Variants in ELN observed in about 807,000 individuals in gnomAD.
ELN encodes elastin.
ELN carries 65 observed loss-of-function variants against 105.8 expected under a neutral mutation model. The ratio of observed to expected loss-of-function variants is 0.61; its 90% CI spans 0.50 to 0.75. The LOEUF is 0.75. Among genes scored for constraint, ELN ranks in the 30% least tolerant of loss-of-function variants. The pLI is 0.00. For synonymous variants in ELN, 368 were observed against 389.2 expected, an observed-to-expected ratio of 0.95 and a Z score of 0.64; for missense variants, 882 against 969.4, an observed-to-expected ratio of 0.91 and a Z score of 1.20.
chr7:74,038,424 G>C (rs1790457457), intron 4 of ELN, among the ~76,000 whole-genome samples: 1 of 152,222 alleles, frequency 6.6e-6, no homozygotes, highest in African/African-American at 2.4e-5. Flanking sequence ...CCTAATCTCA[G>C]GCCCTTTCCA....
At chr7:74,037,659 A>T (rs782217420) in intron 3 of ELN, 48 bp from the exon 4 acceptor site, 1 of 1,600,440 alleles carries the variant, frequency 6.2e-7, no homozygotes. Context: ...TAAGTAGTAG[A>T]TGGATAAGCT....
intron 9 of ELN, 95 bp downstream of exon 9, chr7:74,044,015 G>C (rs1217970586): frequency 6.6e-7 from 1 of 1,517,758 alleles, no homozygotes; most frequent in Admixed American, 1.8e-5. Flanking sequence ...GGAGACTGAG[G>C]CAGGAGGATG....
Position 74,060,125 on chromosome 7 carries a change from C to A in ELN, c.1577-15C>A. 6.2e-7 allele frequency: 1 copy of A among 1,614,206 alleles called. No homozygotes were observed. The highest frequency in any genetic ancestry group is 8.5e-7 in the Non-Finnish European group (1 of 1,180,044). ...CCGCCTCCATCTCTAATCCCCCTCT[C>A]TCTCCCTCCCTCAGCTGCAGCAAAA... On this transcript the variant is annotated splice_polypyrimidine_tract_variant and intron_variant, in intron 23 of 32. Coordinates refer to ENST00000252034, the MANE Select transcript of ELN (RefSeq NM_000501.4).
At chr7:74,058,080 TCCTCCTCCTCCTTCTCCTTCTC>T (rs1179657902) in intron 22 of ELN, among the ~76,000 whole-genome samples, 1 of 150,902 alleles carries the variant, frequency 6.6e-6, no homozygotes, top group South Asian at 2.1e-4. Context: ...TTCTTTCTTC[TCCTCCTCCTCCTTCTCCTTCTC>T]CCTCCTCCTC....
intron 4 of ELN, among the ~76,000 whole-genome samples, chr7:74,040,147 C>T (rs556787115): frequency 6.6e-6 from 1 of 152,358 alleles, no homozygotes; most frequent in East Asian, 1.9e-4. Context: ...CTGCCCCCCA[C>T]TGCAGCCCCA....
rs542255291 is a variant in ELN at position 74,060,424 on chromosome 7, T to C, written c.1670T>C (p.Val557Ala). ...GGCATCCCTGGACTTGGAGTTGGTG[T>C]CGGCGTCCCTGGACTTGGAGTTGGT... ...GAGIPGLGVG[V>A]GVPGLGVGAG... is the part of the protein sequence containing the mutation. The change falls in exon 25 of 33, where the codon GTC (valine) becomes GCC (alanine). Residue 557 changes from valine (V) to alanine (A), a missense_variant. Transcript: ENST00000252034. 1 of 1,614,004 alleles carries C rather than the reference T, an allele frequency of 6.2e-7. No individual in the cohort carries two copies. Among genetic ancestry groups the C allele is most frequent in the African/African-American group, 1.3e-5 (1 of 74,914 alleles).
chr7:74,040,895 C>T (rs909433846), intron 4 of ELN, among the ~76,000 whole-genome samples: 17 of 152,144 alleles, frequency 1.1e-4, no homozygotes, highest in Admixed American at 1.0e-3. Context: ...GGTGAGGTCT[C>T]GCTCACGGAC....
chr7:74,055,034 G>A (rs2132009549), intron 19 of ELN, among the ~76,000 whole-genome samples: 1 of 152,376 alleles, frequency 6.6e-6, no homozygotes, highest in Admixed American at 6.5e-5. Context: ...CCCTCTCAGA[G>A]GAGCCCAAAA....
chr7:74,056,111 G>A (rs1296744532), intron 19 of ELN, among the ~76,000 whole-genome samples, 160 bp from the exon 20 acceptor site: 4 of 152,174 alleles, frequency 2.6e-5, no homozygotes, highest in African/African-American at 9.7e-5. Context: ...AAGGCTTCAT[G>A]GTGGAGGTGC....
In ELN at chr7:74,043,831, C is replaced by G. The variant is rs1287864260; in HGVS notation, c.428-48C>G. ...GGGTGGGAAGGGCTGGGGAGGGGTC[C>G]CTGGAGGCTGAGCTGCTGCTAGTAA... On this transcript the variant is annotated intron_variant, in intron 8 of 32. Coordinates refer to ENST00000252034, the MANE Select transcript of ELN (RefSeq NM_000501.4). The G allele has an allele frequency of 7.5e-6, 12 of 1,610,274 alleles. No individual in the cohort carries two copies. The African/African-American group carries it at 1.1e-4, about 14-fold the overall frequency.
At chr7:74,044,574 C>T (rs112828009) in intron 9 of ELN, among the ~76,000 whole-genome samples, 1 of 152,204 alleles carries the variant, frequency 6.6e-6, no homozygotes, top group Non-Finnish European at 1.5e-5. Flanking sequence ...TGAGTCTGCC[C>T]TGCAGGAGAC....
Position 74,069,732 on chromosome 7 carries a change from G to A in ELN, c.*1032G>A, listed in dbSNP as rs1293293518. On this transcript the variant is annotated 3_prime_UTR_variant, in exon 33 of 33. Transcript: ENST00000252034. ...ATTCTCTTTTGGTTTTATTGTTGTG[G>A]TTCATTGAAAAAAAAAGATAATTTT... The A allele has an allele frequency of 8.8e-6, 2 of 228,470 alleles. No homozygotes were observed. Among genetic ancestry groups the A allele is most frequent in the African/African-American group, 4.5e-5 (2 of 44,694 alleles). The allele number at this position is 228,470 out of a possible 1,614,324, so 14.2% of individuals were successfully genotyped here.
chr7:74,054,616 G>C, intron 18 of ELN, 100 bp from the exon 19 acceptor site: 1 of 1,229,710 alleles, frequency 8.1e-7, no homozygotes, highest in African/African-American at 1.5e-5. Context: ...TGGCATGAAA[G>C]GAGATGGCCC....
chr7:74,036,081 G>C (rs2131185838), intron 2 of ELN, among the ~76,000 whole-genome samples: 1 of 152,138 alleles, frequency 6.6e-6, no homozygotes. Flanking sequence ...ACAAGGTCAG[G>C]AGATCAAGAC....
chr7:74,061,395 T>C (rs1476201304), intron 26 of ELN, among the ~76,000 whole-genome samples: 3 of 152,176 alleles, frequency 2.0e-5, no homozygotes, highest in Non-Finnish European at 4.4e-5. Flanking sequence ...CGGGCACCTG[T>C]AATCCCAGCA....
Position 74,069,639 on chromosome 7 carries a change from G to A in ELN, c.*939G>A, listed in dbSNP as rs1425222959. The A allele has an allele frequency of 3.4e-5, 8 of 233,048 alleles. No individual in the cohort carries two copies. Among genetic ancestry groups the A allele is most frequent in the Non-Finnish European group, 5.9e-5 (7 of 117,884 alleles). 14.4% of individuals were successfully genotyped at this position (233,048 alleles called of 1,614,324 possible). A position where few individuals can be genotyped will look rare whatever the true frequency, so the allele number is the denominator to read the frequency against. On this transcript the variant is annotated 3_prime_UTR_variant, in exon 33 of 33. Transcript: ENST00000252034. ...TGCCCCGCCCATCTTTTTGTGTCTC[G>A]CTGTGATAGATCAATAAATATTTTA...
intron 26 of ELN, among the ~76,000 whole-genome samples, chr7:74,061,608 C>G (rs1351049903): frequency 6.6e-6 from 1 of 152,076 alleles, no homozygotes; most frequent in Non-Finnish European, 1.5e-5. Flanking sequence ...GCCGAGATCA[C>G]GCCACTGCAC....
At chr7:74,054,009 G>A (rs1794718204) in intron 18 of ELN, among the ~76,000 whole-genome samples, 2 of 151,986 alleles carry the variant, frequency 1.3e-5, no homozygotes, top group African/African-American at 4.8e-5. Flanking sequence ...TGGTTGGAGG[G>A]GCAGATGAAT....
At chr7:74,064,410 G>C (rs1261433496) in intron 29 of ELN, among the ~76,000 whole-genome samples, 2 of 127,770 alleles carry the variant, frequency 1.6e-5, no homozygotes, top group Non-Finnish European at 3.2e-5. Flanking sequence ...GCGAGACTCC[G>C]TCTCAAAAAA....
Sources: allele counts gnomAD v4.1 joint callset (sites outside exome capture counted in the v4.1 genomes callset), GRCh38; gene constraint gnomAD v4.1.1; transcripts MANE v1.5; gene names NCBI Gene and HGNC (gene_info 2026-07-23, HGNC 2026-07-21).